The following NR1D1 variants were observed in gnomAD, a reference collection of about 807,000 sequenced individuals.
The protein encoded by NR1D1 is Rev-ErbAalpha.
A neutral mutation model predicts 51.1 loss-of-function variants in NR1D1; 17 were observed. The observed-to-expected ratio is 0.33, with a 90% CI of 0.23 to 0.50. The LOEUF is 0.50. Among genes scored for constraint, NR1D1 ranks in the 20% least tolerant of loss-of-function variants. NR1D1 has a pLI of 0.98. For synonymous variants in NR1D1, 341 were observed against 333.4 expected (o/e 1.02, Z -0.25); for missense variants, 647 against 830.4 (o/e 0.78, Z 2.71).
chr17:40,100,522 G>T lies in NR1D1; in HGVS notation c.-428C>A. 1 of 445,328 alleles carries T rather than the reference G, an allele frequency of 2.2e-6. No individual in the cohort carries two copies. Among genetic ancestry groups the T allele is most frequent in the Non-Finnish European group, 4.0e-6 (1 of 251,708 alleles). The allele number at this position is 445,328 out of a possible 1,614,324, so 27.6% of individuals were successfully genotyped here. A position where few individuals can be genotyped will look rare whatever the true frequency, so the allele number is the denominator to read the frequency against. On this transcript the variant is annotated 5_prime_UTR_variant, in exon 1 of 8. Coordinates refer to ENST00000246672, the MANE Select transcript of NR1D1 (RefSeq NM_021724.5). ...AGTAAGTAGGTGATGGGGAGAAACG[G>T]GGCACCGAGTCGCAAAGAGGCGAGA... is the stretch of plus-strand genomic sequence containing the variant.
At chr17:40,097,480 C>T (rs1987789111) in intron 1 of NR1D1, 77 bp from the exon 2 acceptor site, 2 of 1,178,730 alleles carry the variant, frequency 1.7e-6, no homozygotes, top group African/African-American at 3.0e-5. Context: ...CTCATCCCCA[C>T]CTGTCTGCCC....
intron 6 of NR1D1, 65 bp from the exon 7 acceptor site, chr17:40,094,187 T>G: frequency 6.8e-7 from 1 of 1,477,106 alleles, no homozygotes; most frequent in Non-Finnish European, 9.5e-7. Context: ...ATCGCCCCTG[T>G]AGTTTGCCAG....
In NR1D1 at chr17:40,097,267, G is replaced by A. The variant is rs781323255; in HGVS notation, c.168C>T (p.Pro56=). The change falls in exon 2 of 8, where the codon CCC becomes CCT. Residue 56 remains proline (P), a synonymous_variant. Transcript: ENST00000246672. ...QGCPTYFPPS[P]TGSLTQDPAR... is the part of the protein sequence containing the mutation. Reference sequence around the variant, plus strand: ...CCGGGTCTTGGGTGAGGGAGCCAGTGGGGGATGGTGGGAAGTAGGTGGGAC... The same window carrying A: ...CCGGGTCTTGGGTGAGGGAGCCAGTAGGGGATGGTGGGAAGTAGGTGGGAC... 3 of 1,613,178 alleles carry A rather than the reference G, an allele frequency of 1.9e-6. No individual in the cohort carries two copies. In the South Asian group the frequency reaches 3.3e-5, roughly 18 times the overall value.
chr17:40,097,134 CA>C lies in NR1D1; in HGVS notation c.300del (p.Ser102ValfsTer24). 1 of 1,611,048 alleles carries C rather than the reference CA, an allele frequency of 6.2e-7. No individual in the cohort carries two copies. Among genetic ancestry groups the C allele is most frequent in the Non-Finnish European group, 8.5e-7 (1 of 1,178,420 alleles). On this transcript the variant is annotated frameshift_variant, in exon 2 of 8. Coordinates refer to ENST00000246672, the MANE Select transcript of NR1D1 (RefSeq NM_021724.5). LOFTEE classifies it high-confidence loss of function. ...SSSSFYNGSPPGSLQVAMEDS... is the reference protein window; with the variant it reads ...SSSSFYNGSPXGSLQVAMEDS... ...TCCTCCATGGCCACTTGTAGACTCC[CA>C]GGGGGGCTCCCATTATAGAAGGAGG...
intron 6 of NR1D1, 111 bp from the exon 7 acceptor site, chr17:40,094,233 A>C: frequency 1.1e-6 from 1 of 939,252 alleles, no homozygotes; most frequent in Non-Finnish European, 1.7e-6. Context: ...TTCTCAGTAG[A>C]GTGGGGGTTG....
chr17:40,097,042 G>A (rs199734072), intron 2 of NR1D1, 23 bp downstream of exon 2: 14 of 1,562,194 alleles, frequency 9.0e-6, no homozygotes, highest in African/African-American at 1.4e-5. Flanking sequence ...CCCTTCCCCC[G>A]AATCAGCTGG....
chr17:40,093,012 T>A lies in NR1D1; in HGVS notation c.*71A>T. On this transcript the variant is annotated 3_prime_UTR_variant, in exon 8 of 8. Transcript: ENST00000246672. This position sits in a 1 kb window ranked among gnomAD's most constrained non-coding sequence, Gnocchi z 5.9. ...TTCTGGTTTGCTTTTCCTTTTCGTC[T>A]CGTAAAGGAGAGAGAAGTGCAGAGT... 1 of 1,601,334 alleles carries A rather than the reference T, an allele frequency of 6.2e-7. No individual in the cohort carries two copies.
In NR1D1 at chr17:40,100,275, G is replaced by T; in HGVS notation, c.-181C>A. 1 of 641,488 alleles carries T rather than the reference G, an allele frequency of 1.6e-6. No individual in the cohort carries two copies. 39.7% of individuals were successfully genotyped at this position (641,488 alleles called of 1,614,324 possible). Reference sequence around the variant, plus strand: ...GTGGCCGGACTGCAGCCCTGCAGAAGGGTTGGACGTTGAGGCAACGGAGTT... The same window carrying T: ...GTGGCCGGACTGCAGCCCTGCAGAATGGTTGGACGTTGAGGCAACGGAGTT... On this transcript the variant is annotated 5_prime_UTR_variant, in exon 1 of 8. Coordinates refer to ENST00000246672, the MANE Select transcript of NR1D1 (RefSeq NM_021724.5).
At chr17:40,097,672 C>A (rs1028433647) in intron 1 of NR1D1, among the ~76,000 whole-genome samples, 2 of 152,184 alleles carry the variant, frequency 1.3e-5, no homozygotes, top group Non-Finnish European at 1.5e-5. Context: ...TATGTGCCCC[C>A]CTTCCTTAGT....
Position 40,093,367 on chromosome 17 carries a change from T to C in NR1D1, c.1646-85A>G, listed in dbSNP as rs771068075. 3.7e-6 allele frequency: 6 copies of C among 1,611,330 alleles called. No individual in the cohort carries two copies. The highest frequency in any genetic ancestry group is 2.2e-5 in the East Asian group (1 of 44,842). On this transcript the variant is annotated intron_variant, in intron 7 of 7. Coordinates refer to ENST00000246672, the MANE Select transcript of NR1D1 (RefSeq NM_021724.5). This position sits in a 1 kb window ranked among gnomAD's most constrained non-coding sequence, Gnocchi z 5.9. ...AGGTCTGCGAGGACCTGGCAGGCAATGCAGCCTCTCCCTGAAGCCCCCCAG... is the reference window on the plus strand; with the variant it reads ...AGGTCTGCGAGGACCTGGCAGGCAACGCAGCCTCTCCCTGAAGCCCCCCAG...
chr17:40,099,500 C>T (rs983393991), intron 1 of NR1D1, among the ~76,000 whole-genome samples: 1 of 151,972 alleles, frequency 6.6e-6, no homozygotes, highest in Non-Finnish European at 1.5e-5. Flanking sequence ...TGTAGGTGCC[C>T]TCCCTCGGGC....
chr17:40,096,865 G>A, intron 2 of NR1D1, 86 bp from the exon 3 acceptor site: 1 of 1,414,926 alleles, frequency 7.1e-7, no homozygotes, highest in Non-Finnish European at 9.9e-7. Context: ...GGAGATCCAG[G>A]GAGGGAAAAG....
intron 1 of NR1D1, among the ~76,000 whole-genome samples, chr17:40,099,440 A>G (rs1264843691): frequency 2.0e-5 from 3 of 152,052 alleles, no homozygotes; most frequent in Non-Finnish European, 4.4e-5. Flanking sequence ...CAAACGCAGC[A>G]CGTGGGCCCG....
At chr17:40,095,400 C>A (rs928833111) in intron 5 of NR1D1, 44 bp downstream of exon 5, 8 of 1,509,734 alleles carry the variant, frequency 5.3e-6, no homozygotes, top group Non-Finnish European at 7.1e-6. Flanking sequence ...TCTGCCAGGC[C>A]CCCCCAATCT....
At chr17:40,094,387 G>A (rs907595271) in intron 6 of NR1D1, among the ~76,000 whole-genome samples, 2 of 152,200 alleles carry the variant, frequency 1.3e-5, no homozygotes, top group Non-Finnish European at 2.9e-5. Context: ...TAGAATGGGG[G>A]CAGCAGTGCA....
Position 40,093,431 on chromosome 17 carries a change from C to A in NR1D1, c.1646-149G>T, listed in dbSNP as rs1489925651. 6.4e-7 allele frequency: 1 copy of A among 1,562,128 alleles called. No homozygotes were observed. The highest frequency in any genetic ancestry group is 8.7e-7 in the Non-Finnish European group (1 of 1,152,510). ...AAGGAGAAGGAGTGCCATACCTTCT[C>A]CCAGGCCTCTGCCCCAAGAGCAGGA... On this transcript the variant is annotated intron_variant, in intron 7 of 7. Transcript: ENST00000246672. The surrounding 1 kb of genome is among the most constrained non-coding windows in gnomAD (Gnocchi z 5.9).
chr17:40,094,794 A>T, intron 6 of NR1D1, 141 bp downstream of exon 6: 1 of 710,276 alleles, frequency 1.4e-6, no homozygotes, highest in Non-Finnish European at 2.3e-6. Flanking sequence ...GCTACTTGGA[A>T]GGCTGAGGTA....
At chr17:40,095,239 G>A (rs566258032) in intron 5 of NR1D1, 119 bp from the exon 6 acceptor site, 2 of 1,187,154 alleles carry the variant, frequency 1.7e-6, no homozygotes, top group Admixed American at 2.7e-5. Context: ...TGAAGGATGG[G>A]TCTTTCAGAT....
In NR1D1 at chr17:40,097,039, C is replaced by G. The variant is rs1987777197; in HGVS notation, c.370+26G>C. ...TCTGGCCCTGGCCTGCTTCCCTTCC[C>G]CCGAATCAGCTGGAAAGGTACTCAC... On this transcript the variant is annotated intron_variant, in intron 2 of 7. Transcript: ENST00000246672. The G allele has an allele frequency of 3.2e-6, 5 of 1,561,776 alleles. No individual in the cohort carries two copies. In the East Asian group the frequency reaches 9.0e-5, roughly 28 times the overall value.
Sources: allele counts gnomAD v4.1 joint callset (sites outside exome capture counted in the v4.1 genomes callset), GRCh38; gene constraint gnomAD v4.1.1; non-coding constraint Gnocchi (gnomAD v3.1); transcripts MANE v1.5; gene names NCBI Gene and HGNC (gene_info 2026-07-23, HGNC 2026-07-21).